Variants in SPATA18 observed in about 807,000 individuals in gnomAD.
SPATA18 encodes mitochondria-eating protein.
SPATA18 carries 54 observed loss-of-function variants against 68.1 expected under a neutral mutation model. That is an observed-to-expected ratio of 0.79 (90% CI 0.64 to 0.99). The LOEUF (loss-of-function observed/expected upper bound fraction) is 0.99, where lower values mean the gene tolerates loss of function less well. Among genes scored for constraint, SPATA18 ranks in the 50% least tolerant of loss-of-function variants. The probability of loss-of-function intolerance (pLI) is 0.00; values close to 1 mark genes in which losing one functional copy is unlikely to be tolerated. For missense variants in SPATA18, 724 were observed against 681.1 expected (o/e 1.06, Z -0.70); for synonymous variants, 242 against 244.8 (o/e 0.99, Z 0.11).
chr4:52,082,451 C>G lies in SPATA18; in HGVS notation c.1420C>G (p.Leu474Val), dbSNP rs1281512255. 1.9e-6 allele frequency: 3 copies of G among 1,614,004 alleles called. No homozygotes were observed. Among genetic ancestry groups the G allele is most frequent in the Non-Finnish European group, 2.5e-6 (3 of 1,180,012 alleles). The change falls in exon 10 of 13, where the codon CTC (leucine) becomes GTC (valine). Residue 474 changes from leucine (L) to valine (V), a missense_variant. Leu to Val is a conservative substitution (Grantham distance 32). Transcript: ENST00000295213. ...AGTCCTCTATCACGTGTGGCCTGCT[C>G]TCATGGAGAATGACTGTGTCATTAT... ...PLVLYHVWPA[L>V]MENDCVIMKG...
chr4:52,084,995 A>G lies in SPATA18; in HGVS notation c.1559A>G (p.Asn520Ser). The G allele has an allele frequency of 4.3e-6, 7 of 1,612,724 alleles. No homozygotes were observed. The highest frequency in any genetic ancestry group is 5.9e-6 in the Non-Finnish European group (7 of 1,179,452). Residue 520 changes from asparagine to serine, a missense_variant, in exon 11 of 13, where the codon AAC (asparagine) becomes AGC (serine). Physicochemically the swap from Asn to Ser is conservative, Grantham distance 46. Transcript: ENST00000295213. ...TGCCCCCGTAGCCAAATTGGTTTAA[A>G]CACGGTACATATCTATCTAATCATT... ...PICPRSQIGL[N>S]TMSRSRSPSP...
At chr4:52,074,420 T>A (rs1740138002) in intron 6 of SPATA18, among the ~76,000 whole-genome samples, 1 of 152,110 alleles carries the variant, frequency 6.6e-6, no homozygotes. Context: ...GGAAAAGTCA[T>A]GGTAATGTCC....
chr4:52,095,104 T>G lies in SPATA18; in HGVS notation c.*217T>G. The G allele has an allele frequency of 1.7e-6, 1 of 573,574 alleles. No individual in the cohort carries two copies. The highest frequency in any genetic ancestry group is 3.1e-6 in the Non-Finnish European group (1 of 326,496). 35.5% of individuals were successfully genotyped at this position (573,574 alleles called of 1,614,324 possible). A position where few individuals can be genotyped will look rare whatever the true frequency, so the allele number is the denominator to read the frequency against. ...TTTATTTTATAGATACTAATTCCAT[T>G]AATTTCATAAAAATGATTGTATAGG... On this transcript the variant is annotated 3_prime_UTR_variant, in exon 13 of 13. Transcript: ENST00000295213.
intron 1 of SPATA18, among the ~76,000 whole-genome samples, chr4:52,054,690 C>G (rs1052746850): frequency 8.6e-5 from 13 of 151,902 alleles, no homozygotes; most frequent in African/African-American, 2.9e-4. Flanking sequence ...CCAGAACCAG[C>G]CTATGGTCCG....
At chr4:52,062,447 A>G in intron 4 of SPATA18, 115 bp downstream of exon 4, 1 of 687,044 alleles carries the variant, frequency 1.5e-6, no homozygotes, top group East Asian at 2.7e-5. Context: ...GCAAATAAGT[A>G]ATATGATTGT....
At chr4:52,069,642 C>A (rs1739621964) in intron 4 of SPATA18, among the ~76,000 whole-genome samples, 179 bp from the exon 5 acceptor site, 1 of 152,132 alleles carries the variant, frequency 6.6e-6, no homozygotes, top group African/African-American at 2.4e-5. Context: ...CATGTTTTAG[C>A]ATACAAGTCC....
chr4:52,060,009 A>T (rs1361092843), intron 1 of SPATA18, among the ~76,000 whole-genome samples: 1 of 152,192 alleles, frequency 6.6e-6, no homozygotes, highest in Non-Finnish European at 1.5e-5. Flanking sequence ...ACCATGTGAC[A>T]ATTCAGTGCA....
At chr4:52,094,377 A>G in intron 11 of SPATA18, 150 bp from the exon 12 acceptor site, 1 of 654,186 alleles carries the variant, frequency 1.5e-6, no homozygotes, top group Admixed American at 3.0e-5. Flanking sequence ...AAAGAATCAC[A>G]ATAGTCAACC....
At chr4:52,066,316 A>G (rs1739308401) in intron 4 of SPATA18, among the ~76,000 whole-genome samples, 1 of 151,772 alleles carries the variant, frequency 6.6e-6, no homozygotes, top group Admixed American at 6.6e-5. Flanking sequence ...ATGCCTGGCT[A>G]ATTTTTTGTA....
intron 9 of SPATA18, among the ~76,000 whole-genome samples, chr4:52,080,871 G>A (rs1188365112): frequency 6.6e-6 from 1 of 152,174 alleles, no homozygotes; most frequent in Non-Finnish European, 1.5e-5. Flanking sequence ...GTTATGCCCA[G>A]CATTCCTGAA....
intron 5 of SPATA18, among the ~76,000 whole-genome samples, chr4:52,070,888 G>A (rs1438129119): frequency 2.0e-5 from 3 of 151,658 alleles, no homozygotes; most frequent in Non-Finnish European, 4.4e-5. Flanking sequence ...AGTGGGGGGG[G>A]GGGTGTTTTA....
intron 11 of SPATA18, among the ~76,000 whole-genome samples, chr4:52,087,801 G>A (rs1309730093): frequency 6.6e-6 from 1 of 152,110 alleles, no homozygotes; most frequent in African/African-American, 2.4e-5. Flanking sequence ...TTCCAATTCT[G>A]TGAAGAAAGT....
intron 1 of SPATA18, among the ~76,000 whole-genome samples, chr4:52,054,651 G>A (rs1045505938): frequency 3.9e-5 from 6 of 151,968 alleles, no homozygotes; most frequent in African/African-American, 9.7e-5. Flanking sequence ...GGACATGAAG[G>A]AACTTAGTGT....
rs1162836805 is a variant in SPATA18 at position 52,094,941 on chromosome 4, G to T, written c.*54G>T. The T allele has an allele frequency of 6.2e-7, 1 of 1,610,914 alleles. No homozygotes were observed. Among genetic ancestry groups the T allele is most frequent in the Non-Finnish European group, 8.5e-7 (1 of 1,177,284 alleles). ...TGCGTGGAAACAGCTGCTTTCTCCA[G>T]TGCCGCCATCTGTCTTCTGTGTCTG... On this transcript the variant is annotated 3_prime_UTR_variant, in exon 13 of 13. Transcript: ENST00000295213.
At chr4:52,081,615 T>C (rs1740923130) in intron 9 of SPATA18, among the ~76,000 whole-genome samples, 1 of 152,234 alleles carries the variant, frequency 6.6e-6, no homozygotes, top group African/African-American at 2.4e-5. Context: ...TTTTTCTTTC[T>C]TTTTTAGCCT....
intron 1 of SPATA18, among the ~76,000 whole-genome samples, chr4:52,056,044 T>C (rs188637165): frequency 5.9e-5 from 9 of 152,304 alleles, no homozygotes. Flanking sequence ...TTCCTGGGTG[T>C]CCTCTCATTT....
intron 1 of SPATA18, among the ~76,000 whole-genome samples, chr4:52,054,549 G>A (rs1738169896): frequency 6.6e-6 from 1 of 152,096 alleles, no homozygotes; most frequent in African/African-American, 2.4e-5. Context: ...AAGCAAACAT[G>A]CATGTTACGT....
At chr4:52,091,544 G>A (rs1475422395) in intron 11 of SPATA18, among the ~76,000 whole-genome samples, 2 of 152,166 alleles carry the variant, frequency 1.3e-5, no homozygotes, top group Non-Finnish European at 2.9e-5. Flanking sequence ...CTGTCAGCCT[G>A]CTGGAGTTTA....
intron 1 of SPATA18, among the ~76,000 whole-genome samples, chr4:52,057,708 A>G (rs1738472528): frequency 2.0e-5 from 3 of 152,226 alleles, no homozygotes; most frequent in Admixed American, 2.0e-4. Context: ...GCAGCTGATA[A>G]GTTGAGAACC....
Sources: gnomAD v4.1 joint callset for allele counts (sites outside exome capture counted in the v4.1 genomes callset) on GRCh38, gnomAD v4.1.1 for gene constraint, MANE v1.5 for transcripts, NCBI Gene and HGNC (gene_info 2026-07-23, HGNC 2026-07-21) for gene names.